Variants in RAB11FIP1 observed in about 807,000 individuals in gnomAD.
RAB11FIP1 encodes RAB11 family interacting protein 1.
Under a neutral mutation model 83.1 loss-of-function variants are expected in RAB11FIP1, and 49 were observed. That is an observed-to-expected ratio of 0.59 (90% CI 0.47 to 0.75). The LOEUF (loss-of-function observed/expected upper bound fraction) is 0.75. Ranked by LOEUF, RAB11FIP1 falls within the 30% of genes least tolerant of loss-of-function variation. The probability of loss-of-function intolerance (pLI) is 0.00; values close to 1 mark genes in which losing one functional copy is unlikely to be tolerated. For missense variants in RAB11FIP1, 1,536 were observed against 1,598.7 expected (o/e 0.96, Z 0.67); for synonymous variants, 670 against 656.0 (o/e 1.02, Z -0.33).
In RAB11FIP1 at chr8:37,860,972, T is replaced by C. The variant is rs1264394672; in HGVS notation, c.*1923A>G. Reference sequence around the variant, plus strand: ...ACACACATAAAAGAGATTCCTGATTTAATAACTGCTATCATCTTCACCCCC... The same window carrying C: ...ACACACATAAAAGAGATTCCTGATTCAATAACTGCTATCATCTTCACCCCC... On this transcript the variant is annotated 3_prime_UTR_variant, in exon 6 of 6. Coordinates refer to ENST00000330843, the MANE Select transcript of RAB11FIP1 (RefSeq NM_001002814.3). 6.6e-6 allele frequency: 1 copy of C among 152,546 alleles called. No individual in the cohort carries two copies. Among genetic ancestry groups the C allele is most frequent in the African/African-American group, 2.4e-5 (1 of 41,446 alleles). The allele number at this position is 152,546 out of a possible 1,614,324, so 9.4% of individuals were successfully genotyped here. A position where few individuals can be genotyped will look rare whatever the true frequency, so the allele number is the denominator to read the frequency against.
At position 37,861,475 on chromosome 8, in the gene RAB11FIP1, T is replaced by G; in HGVS notation, c.*1420A>C. 2.4e-6 allele frequency: 1 copy of G among 411,454 alleles called. No individual in the cohort carries two copies. The highest frequency in any genetic ancestry group is 4.6e-6 in the Non-Finnish European group (1 of 215,054). The allele number at this position is 411,454 out of a possible 1,614,324, so 25.5% of individuals were successfully genotyped here. ...AGAGAAAGTGTTCAAAGGACAGACA[T>G]GCAGATGCAGTTCAATCCCTTTGGG... On this transcript the variant is annotated 3_prime_UTR_variant, in exon 6 of 6. Coordinates refer to ENST00000330843, the MANE Select transcript of RAB11FIP1 (RefSeq NM_001002814.3).
chr8:37,899,030 G>C lies in RAB11FIP1; in HGVS notation c.371+41C>G. On this transcript the variant is annotated intron_variant, in intron 1 of 5. Transcript: ENST00000330843. This position sits in a 1 kb window ranked among gnomAD's most constrained non-coding sequence, Gnocchi z 4.5. ...CCAGACCGCCCTGCCGGAGGGGTCC[G>C]CGCCCCCAGGCCGGGCCCTCCCCTC... The C allele has an allele frequency of 7.0e-7, 1 of 1,424,418 alleles. No individual in the cohort carries two copies. Among genetic ancestry groups the C allele is most frequent in the Non-Finnish European group, 9.1e-7 (1 of 1,098,748 alleles). 88.2% of individuals were successfully genotyped at this position (1,424,418 alleles called of 1,614,324 possible).
At chr8:37,878,673 T>A in intron 1 of RAB11FIP1, among the ~76,000 whole-genome samples, 1 of 133,764 alleles carries the variant, frequency 7.5e-6, no homozygotes, top group African/African-American at 2.8e-5. Flanking sequence ...AAAAAAATAA[T>A]AATAATACAA....
At chr8:37,870,766 C>T in intron 4 of RAB11FIP1, 1 of 449,786 alleles carries the variant, frequency 2.2e-6, no homozygotes, top group Non-Finnish European at 3.9e-6. Context: ...CTGATATCTT[C>T]ACGGGACCCT....
intron 1 of RAB11FIP1, among the ~76,000 whole-genome samples, chr8:37,887,821 T>C (rs528310529): frequency 6.8e-4 from 103 of 152,350 alleles, no homozygotes; most frequent in Non-Finnish European, 1.1e-3. Context: ...GCTGTACATA[T>C]GCAATTTTCT....
chr8:37,885,568 A>T (rs765443145), intron 1 of RAB11FIP1, among the ~76,000 whole-genome samples: 1 of 152,226 alleles, frequency 6.6e-6, no homozygotes, highest in Non-Finnish European at 1.5e-5. Flanking sequence ...GACAAGGCAC[A>T]GATAAAAGTA....
chr8:37,895,148 C>T (rs549023893), intron 1 of RAB11FIP1, among the ~76,000 whole-genome samples: 1 of 128,504 alleles, frequency 7.8e-6, no homozygotes, highest in Non-Finnish European at 1.6e-5. Context: ...TCACCCTAAC[C>T]TTTAACTCTT....
chr8:37,871,389 C>A lies in RAB11FIP1; in HGVS notation c.3413G>T (p.Arg1138Ile), dbSNP rs1806455230. Residue 1138 changes from arginine to isoleucine, a missense_variant, in exon 4 of 6, where the codon AGA becomes ATA. Arg to Ile is a moderately conservative substitution (Grantham distance 97). Coordinates refer to ENST00000330843, the MANE Select transcript of RAB11FIP1 (RefSeq NM_001002814.3). Reference protein sequence around the residue: ...KKATAEGSAGRVENFGKRKPL... With the variant: ...KKATAEGSAGIVENFGKRKPL... The stretch of plus-strand genomic sequence containing the variant: ...CTTCCTCTTGCCAAAATTTTCAACT[C>A]TACCAGCGGAGCCCTCTGCTGTGGC... 1 of 1,614,234 alleles carries A rather than the reference C, an allele frequency of 6.2e-7. No individual in the cohort carries two copies. Among genetic ancestry groups the A allele is most frequent in the Non-Finnish European group, 8.5e-7 (1 of 1,180,044 alleles).
chr8:37,884,996 TTG>T lies in RAB11FIP1; in HGVS notation c.372-7447_372-7446del, dbSNP rs200302863. Among the ~76,000 whole-genome samples the T allele has an allele frequency of 5.5e-3, 817 of 149,358 alleles. 2 individuals are homozygous for T. Among genetic ancestry groups the T allele is most frequent in the African/African-American group, 0.02 (787 of 39,310 alleles). On this transcript the variant is annotated intron_variant, in intron 1 of 5. Transcript: ENST00000330843. ...ATTGCACTCGGCCTATATTTTTTAA[TTG>T]TTTTTTTTTTTTTTGAGATGGAGTC...
At chr8:37,867,543 A>T (rs1806362360) in intron 5 of RAB11FIP1, among the ~76,000 whole-genome samples, 2 of 152,146 alleles carry the variant, frequency 1.3e-5, no homozygotes, top group African/African-American at 4.8e-5. Flanking sequence ...CGTCTCTATT[A>T]AAAATACAAA....
At chr8:37,868,299 G>A (rs530020450) in intron 5 of RAB11FIP1, among the ~76,000 whole-genome samples, 2 of 152,094 alleles carry the variant, frequency 1.3e-5, no homozygotes, top group South Asian at 2.1e-4. Context: ...GCGGGTGCCT[G>A]TAATACCAGC....
chr8:37,890,540 ATCG>A (rs1256019108), intron 1 of RAB11FIP1, among the ~76,000 whole-genome samples: 1 of 152,150 alleles, frequency 6.6e-6, no homozygotes, highest in Non-Finnish European at 1.5e-5. Context: ...ATTATCAACA[ATCG>A]TCTCCCTGCA....
chr8:37,889,223 A>C (rs1332927702), intron 1 of RAB11FIP1, among the ~76,000 whole-genome samples: 1 of 152,204 alleles, frequency 6.6e-6, no homozygotes, highest in African/African-American at 2.4e-5. Context: ...AGATGGCATA[A>C]TTAAGTCTAT....
At position 37,862,618 on chromosome 8, in the gene RAB11FIP1, A is replaced by C. The variant is rs1196536738; in HGVS notation, c.*277T>G. On this transcript the variant is annotated 3_prime_UTR_variant, in exon 6 of 6. Coordinates refer to ENST00000330843, the MANE Select transcript of RAB11FIP1 (RefSeq NM_001002814.3). ...CCATCTGAATCTCTGGCTCAGGATC[A>C]GATCTTATGACCACATCTCTGGTGG... 6.3e-6 allele frequency: 2 copies of C among 319,176 alleles called. No homozygotes were observed. The highest frequency in any genetic ancestry group is 4.2e-5 in the African/African-American group (2 of 47,650). The allele number at this position is 319,176 out of a possible 1,614,324, so 19.8% of individuals were successfully genotyped here.
At chr8:37,896,816 T>C (rs1342538704) in intron 1 of RAB11FIP1, among the ~76,000 whole-genome samples, 1 of 152,268 alleles carries the variant, frequency 6.6e-6, no homozygotes, top group African/African-American at 2.4e-5. Context: ...CTTGGGTGTT[T>C]AGGGACAGAG....
chr8:37,868,422 C>CAAAAAAAAAAAAA (rs796819866), intron 5 of RAB11FIP1, among the ~76,000 whole-genome samples: 1 of 57,712 alleles, frequency 1.7e-5, no homozygotes. Flanking sequence ...AACTCCATCT[C>CAAAAAAAAAAAAA]AAAAAAAAAA....
intron 1 of RAB11FIP1, among the ~76,000 whole-genome samples, chr8:37,883,383 T>C (rs575679586): frequency 6.6e-6 from 1 of 152,304 alleles, no homozygotes; most frequent in African/African-American, 2.4e-5. Context: ...TTGGCCAGGC[T>C]GGTCTCAAAC....
chr8:37,875,117 C>T lies in RAB11FIP1; in HGVS notation c.1020G>A (p.Pro340=), dbSNP rs142192886. Reference sequence around the variant, plus strand: ...AGCCCTTGGGGGATGGGGAGGAGGACGGGCTGCTATCCTTGATCTCACCCT... The same window carrying T: ...AGCCCTTGGGGGATGGGGAGGAGGATGGGCTGCTATCCTTGATCTCACCCT... ...EAKGEIKDSS[P]SSSPSPKGFR... Residue 340 remains proline (P), a synonymous_variant, in exon 3 of 6, where the codon CCG becomes CCA. Transcript: ENST00000330843. 2.8e-5 allele frequency: 46 copies of T among 1,614,038 alleles called. No homozygotes were observed. The African/African-American group carries it at 4.1e-4, about 15-fold the overall frequency.
At chr8:37,895,005 AC>A (rs1296239099) in intron 1 of RAB11FIP1, among the ~76,000 whole-genome samples, 1 of 146,512 alleles carries the variant, frequency 6.8e-6, no homozygotes, top group Non-Finnish European at 1.5e-5. Context: ...TGATCCACCC[AC>A]CTTGGCCTCC....
Sources: allele counts gnomAD v4.1 joint callset (sites outside exome capture counted in the v4.1 genomes callset), GRCh38; gene constraint gnomAD v4.1.1; non-coding constraint Gnocchi (gnomAD v3.1); transcripts MANE v1.5; gene names NCBI Gene and HGNC (gene_info 2026-07-23, HGNC 2026-07-21).